The following ARHGAP10 variants were observed in gnomAD, a reference collection of about 807,000 sequenced individuals.
ARHGAP10 encodes rho GTPase-activating protein 10.
Under a neutral mutation model 108.6 loss-of-function variants are expected in ARHGAP10, and 87 were observed. That is an observed-to-expected ratio of 0.80 (90% CI 0.67 to 0.96). ARHGAP10 has a LOEUF of 0.96. Among genes scored for constraint, ARHGAP10 ranks in the 40% least tolerant of loss-of-function variants. The pLI is 0.00. For missense variants in ARHGAP10, 939 were observed against 954.5 expected (o/e 0.98, Z 0.21); for synonymous variants, 347 against 341.1 (o/e 1.02, Z -0.19).
intron 18 of ARHGAP10, among the ~76,000 whole-genome samples, chr4:147,988,432 C>G (rs1044463077): frequency 1.3e-5 from 2 of 152,100 alleles, no homozygotes; most frequent in African/African-American, 4.8e-5. Flanking sequence ...TCTGGCCTGC[C>G]GGTCCTTTGG....
In ARHGAP10 at chr4:148,059,716, C is replaced by T. The variant is rs115129971; in HGVS notation, c.2028-3432C>T. Among the ~76,000 whole-genome samples the T allele has an allele frequency of 9.7e-3, 1,480 of 152,166 alleles. 8 individuals are homozygous for T. The highest frequency in any genetic ancestry group is 0.034 in the Middle Eastern group (10 of 294). On this transcript the variant is annotated intron_variant, in intron 20 of 22. Coordinates refer to ENST00000336498, the MANE Select transcript of ARHGAP10 (RefSeq NM_024605.4). Reference sequence around the variant, plus strand: ...TCAAGAACTGTGAAGGGTCTGAAACCGTACCCTGCTTGCGAGCTACCAAAT... The same window carrying T: ...TCAAGAACTGTGAAGGGTCTGAAACTGTACCCTGCTTGCGAGCTACCAAAT...
At chr4:147,860,241 G>C (rs1734259008) in intron 5 of ARHGAP10, among the ~76,000 whole-genome samples, 1 of 152,218 alleles carries the variant, frequency 6.6e-6, no homozygotes, top group Admixed American at 6.5e-5. Context: ...AGGAGATCCA[G>C]ACCATCCTGG....
At chr4:147,870,756 G>A (rs926820890) in intron 7 of ARHGAP10, among the ~76,000 whole-genome samples, 3 of 152,058 alleles carry the variant, frequency 2.0e-5, no homozygotes, top group African/African-American at 7.2e-5. Flanking sequence ...AAGAATGTGG[G>A]GAAGAAGAGA....
intron 9 of ARHGAP10, among the ~76,000 whole-genome samples, chr4:147,881,629 C>T (rs973196374): frequency 6.6e-6 from 1 of 152,182 alleles, no homozygotes; most frequent in African/African-American, 2.4e-5. Flanking sequence ...AAGAGCGAGG[C>T]TCCCTTCTCA....
chr4:147,844,485 A>G (rs1003304474), intron 3 of ARHGAP10, among the ~76,000 whole-genome samples: 1 of 152,084 alleles, frequency 6.6e-6, no homozygotes, highest in Non-Finnish European at 1.5e-5. Flanking sequence ...CCCCCCTACT[A>G]TACTTCCCAG....
intron 18 of ARHGAP10, among the ~76,000 whole-genome samples, chr4:148,001,504 T>A (rs905806531): frequency 6.6e-6 from 1 of 152,124 alleles, no homozygotes; most frequent in Non-Finnish European, 1.5e-5. Context: ...TTACCTTGGG[T>A]GGTATGGCCA....
intron 11 of ARHGAP10, among the ~76,000 whole-genome samples, chr4:147,907,018 G>A (rs1448971994): frequency 2.6e-5 from 4 of 152,092 alleles, no homozygotes; most frequent in African/African-American, 9.7e-5. Flanking sequence ...CAGTACTTTG[G>A]ATGATGAACA....
At chr4:147,964,110 T>C (rs558874153) in intron 16 of ARHGAP10, among the ~76,000 whole-genome samples, 23 of 152,274 alleles carry the variant, frequency 1.5e-4, no homozygotes, top group African/African-American at 5.5e-4. Flanking sequence ...CCTGGAGATA[T>C]TAAACTTCTG....
intron 3 of ARHGAP10, among the ~76,000 whole-genome samples, chr4:147,831,420 A>G (rs1052103577): frequency 6.6e-6 from 1 of 152,264 alleles, no homozygotes; most frequent in Non-Finnish European, 1.5e-5. Context: ...ATTAGATGCC[A>G]TTAAAAAGAT....
chr4:147,929,167 T>C (rs1450701394), intron 13 of ARHGAP10, among the ~76,000 whole-genome samples: 1 of 152,262 alleles, frequency 6.6e-6, no homozygotes, highest in Non-Finnish European at 1.5e-5. Flanking sequence ...GAATCTCATC[T>C]TTGTACAGCT....
chr4:148,017,272 G>A (rs1324428486), intron 18 of ARHGAP10, among the ~76,000 whole-genome samples: 3 of 152,212 alleles, frequency 2.0e-5, no homozygotes, highest in African/African-American at 7.2e-5. Flanking sequence ...GAGGTCTTAC[G>A]ACCTAAAGTC....
At position 147,897,601 on chromosome 4, in the gene ARHGAP10, C is replaced by T. The variant is rs139865910; in HGVS notation, c.1035-9037C>T. 1.6e-3 allele frequency among the ~76,000 whole-genome samples: 236 copies of T among 152,208 alleles called. 1 individual carries two copies. The highest frequency in any genetic ancestry group is 5.2e-3 in the African/African-American group (215 of 41,518). On this transcript the variant is annotated intron_variant, in intron 10 of 22. Transcript: ENST00000336498. ...AAAATAATCATAATATCTGCCTTCT[C>T]AAAAATAAAGACCCTTAGAACAGTG...
chr4:147,945,936 ATGAAT>A (rs1258039700), intron 14 of ARHGAP10, among the ~76,000 whole-genome samples: 3 of 152,184 alleles, frequency 2.0e-5, no homozygotes, highest in Admixed American at 6.5e-5. Flanking sequence ...GCCACCACAC[ATGAAT>A]TGAAGAGGTC....
chr4:147,768,870 C>G (rs1027283990), intron 1 of ARHGAP10, among the ~76,000 whole-genome samples: 3 of 151,708 alleles, frequency 2.0e-5, no homozygotes, highest in Non-Finnish European at 4.4e-5. Context: ...TCCCAAGTAG[C>G]TGGGATTACA....
chr4:147,792,775 A>G (rs1446277958), intron 1 of ARHGAP10, among the ~76,000 whole-genome samples: 1 of 151,462 alleles, frequency 6.6e-6, no homozygotes, highest in Non-Finnish European at 1.5e-5. Context: ...TTGTGTTTTT[A>G]GTTTCACTCT....
chr4:147,817,401 T>G (rs1428253801), intron 1 of ARHGAP10, among the ~76,000 whole-genome samples: 1 of 152,182 alleles, frequency 6.6e-6, no homozygotes, highest in East Asian at 1.9e-4. Context: ...TATCTCATGG[T>G]CTTAACTAAA....
intron 19 of ARHGAP10, among the ~76,000 whole-genome samples, chr4:148,039,380 T>TA: frequency 7.1e-6 from 1 of 140,278 alleles, no homozygotes; most frequent in Non-Finnish European, 1.5e-5. Flanking sequence ...TTTTTTTTTT[T>TA]TTTTTTTTTT....
intron 11 of ARHGAP10, 74 bp from the exon 12 acceptor site, chr4:147,909,658 T>G: frequency 8.0e-7 from 1 of 1,242,984 alleles, no homozygotes; most frequent in Non-Finnish European, 1.2e-6. Context: ...TTTTGTATGG[T>G]CCTCAGTGTG....
intron 1 of ARHGAP10, among the ~76,000 whole-genome samples, chr4:147,822,393 A>T (rs572270384): frequency 2.6e-5 from 4 of 152,348 alleles, no homozygotes; most frequent in African/African-American, 9.6e-5. Flanking sequence ...TGAACTTCAG[A>T]ATTGGGCAAG....
Sources: allele counts gnomAD v4.1 joint callset (sites outside exome capture counted in the v4.1 genomes callset), GRCh38; gene constraint gnomAD v4.1.1; transcripts MANE v1.5; gene names NCBI Gene and HGNC (gene_info 2026-07-23, HGNC 2026-07-21).